The following TET3 variants were observed in gnomAD, a reference collection of about 807,000 sequenced individuals.
The protein encoded by TET3 is methylcytosine dioxygenase TET3.
TET3 carries 19 observed loss-of-function variants against 141.4 expected under a neutral mutation model. The ratio of observed to expected loss-of-function variants is 0.13; its 90% confidence interval spans 0.09 to 0.20. The LOEUF is 0.20. Among genes scored for constraint, TET3 ranks in the 10% least tolerant of loss-of-function variants. The probability of loss-of-function intolerance (pLI) is 1.00; values close to 1 mark genes in which losing one functional copy is unlikely to be tolerated. For synonymous variants in TET3, 1,043 were observed against 980.9 expected (o/e 1.06, Z -1.18); for missense variants, 1,874 against 2,356.9 (o/e 0.80, Z 4.24).
At position 74,104,885 on chromosome 2, in the gene TET3, C is replaced by A. The variant is rs1420887883; in HGVS notation, c.*2709C>A. The stretch of plus-strand genomic sequence containing the variant: ...GCAGTCTCCATTGGATGTCCCCACT[C>A]CCCGCAGAATGGCGTTTCCAGAGTT... On this transcript the variant is annotated 3_prime_UTR_variant, in exon 12 of 12. Transcript: ENST00000409262. 1 of 309,094 alleles carries A rather than the reference C, an allele frequency of 3.2e-6. No individual in the cohort carries two copies. Among genetic ancestry groups the A allele is most frequent in the South Asian group, 1.6e-4 (1 of 6,196 alleles). 19.1% of individuals were successfully genotyped at this position (309,094 alleles called of 1,614,324 possible).
chr2:74,101,312 G>C lies in TET3; in HGVS notation c.4524G>C (p.Leu1508=), dbSNP rs60481444. ...QQAASHSGGR[L]RGKPWSPCKF... is the part of the protein sequence containing the mutation. The stretch of plus-strand genomic sequence containing the variant: ...CAGCTTCCCACTCTGGAGGACGGCT[G>C]CGAGGCAAACCGTGGAGCCCCTGCA... Residue 1508 remains leucine (L), a synonymous_variant, in exon 12 of 12, where the codon CTG becomes CTC. Transcript: ENST00000409262. The surrounding 1 kb of genome is among the most constrained non-coding windows in gnomAD (Gnocchi z 8.5). The C allele has an allele frequency of 0.018, 28,836 of 1,613,412 alleles. 1,160 individuals carry two copies. The highest frequency in any genetic ancestry group is 0.16 in the African/African-American group (12,028 of 75,026).
chr2:74,067,112 C>G (rs535777906), intron 4 of TET3, among the ~76,000 whole-genome samples: 5 of 152,250 alleles, frequency 3.3e-5, no homozygotes, highest in South Asian at 2.1e-4. Flanking sequence ...CCCACTCCCC[C>G]CTGCTCTCCC....
chr2:74,089,080 C>CAAAAAAA (rs34315040), intron 7 of TET3, among the ~76,000 whole-genome samples: 1 of 60,570 alleles, frequency 1.7e-5, no homozygotes, highest in African/African-American at 6.2e-5. Context: ...GATTCCGTCT[C>CAAAAAAA]AAAAAAAAAA....
At position 74,101,028 on chromosome 2, in the gene TET3, G is replaced by A. The variant is rs1223717323; in HGVS notation, c.4240G>A (p.Ala1414Thr). 1.5e-5 allele frequency: 25 copies of A among 1,613,182 alleles called. No homozygotes were observed. Among genetic ancestry groups the A allele is most frequent in the Non-Finnish European group, 1.9e-5 (23 of 1,179,580 alleles). The change falls in exon 12 of 12, where the codon GCT (alanine) becomes ACT (threonine). Residue 1414 changes from alanine (A) to threonine (T), a missense_variant. Around this residue, in one of 10 missense-constraint regions of TET3, gnomAD observed 602 missense variants for 590.2 expected, o/e 1.02. Transcript: ENST00000409262. This position sits in a 1 kb window ranked among gnomAD's most constrained non-coding sequence, Gnocchi z 8.5. ...LTQAEPVPRD[A>T]GKMGKTPLSE... is the part of the protein sequence containing the mutation. ...CCAGGCTGAGCCTGTGCCCAGAGAC[G>A]CTGGCAAGATGGGCAAGACACCTCT...
In TET3 at chr2:74,088,011, C is replaced by T; in HGVS notation, c.2861C>T (p.Thr954Ile). 1.3e-6 allele frequency: 2 copies of T among 1,562,946 alleles called. No homozygotes were observed. The highest frequency in any genetic ancestry group is 1.7e-6 in the Non-Finnish European group (2 of 1,153,764). Residue 954 changes from threonine (T) to isoleucine (I), a missense_variant, in exon 7 of 12, where the codon ACC (threonine) becomes ATC (isoleucine). By Grantham distance (89) the Thr-to-Ile change is moderately conservative. Coordinates refer to ENST00000409262, the MANE Select transcript of TET3 (RefSeq NM_001287491.2). ...TDTLRKYGNP[T>I]SRRCGLNDDR... Reference sequence around the variant, plus strand: ...ACCCTCCGGAAGTATGGGAACCCCACCAGCCGGAGATGCGGCCTCAACGAT... The same window carrying T: ...ACCCTCCGGAAGTATGGGAACCCCATCAGCCGGAGATGCGGCCTCAACGAT...
rs573670088 is a variant in TET3 at position 74,085,226 on chromosome 2, T to C, written c.2680-2604T>C. ...TATGTAAAATCTGGATTTCCGTTTTTTTCTTCAAAATTGGAAGAATTAGCC... is the reference window on the plus strand; with the variant it reads ...TATGTAAAATCTGGATTTCCGTTTTCTTCTTCAAAATTGGAAGAATTAGCC... On this transcript the variant is annotated intron_variant, in intron 6 of 11. Transcript: ENST00000409262. Among the ~76,000 whole-genome samples, 7 of 152,334 alleles carry C rather than the reference T, an allele frequency of 4.6e-5. No homozygotes were observed. The East Asian group carries it at 1.3e-3, about 29-fold the overall frequency.
At chr2:74,081,311 A>G (rs1010409782) in intron 6 of TET3, among the ~76,000 whole-genome samples, 1 of 152,246 alleles carries the variant, frequency 6.6e-6, no homozygotes, top group African/African-American at 2.4e-5. Context: ...AGGAGCAGCC[A>G]GGTTCCTCGG....
chr2:74,076,352 A>G (rs1267777675), intron 5 of TET3, among the ~76,000 whole-genome samples: 2 of 151,138 alleles, frequency 1.3e-5, no homozygotes, highest in East Asian at 1.9e-4. Flanking sequence ...GCCTGCTAGT[A>G]AACTTGGAGT....
intron 7 of TET3, among the ~76,000 whole-genome samples, 177 bp downstream of exon 7, chr2:74,088,215 G>A (rs1384434542): frequency 6.6e-6 from 1 of 152,132 alleles, no homozygotes; most frequent in Non-Finnish European, 1.5e-5. Context: ...GCTTGAGCTG[G>A]GTTCTAGCTC....
At chr2:73,988,701 C>T (rs940091777) in intron 2 of TET3, among the ~76,000 whole-genome samples, 8 of 151,970 alleles carry the variant, frequency 5.3e-5, no homozygotes, top group Admixed American at 1.3e-4. Flanking sequence ...CTTGGGTGTC[C>T]GAGGACAGAG....
chr2:74,132,593 C>T, the TET3 span, among the ~76,000 whole-genome samples: 1 of 152,102 alleles, frequency 6.6e-6, no homozygotes, highest in Non-Finnish European at 1.5e-5. Context: ...TACTTGTTGC[C>T]CAGGCTGGTC....
At chr2:74,015,726 A>G (rs756108045) in intron 3 of TET3, among the ~76,000 whole-genome samples, 2 of 152,192 alleles carry the variant, frequency 1.3e-5, no homozygotes, top group Non-Finnish European at 2.9e-5. Context: ...AAGTGTTTGT[A>G]TAGAACAAAA....
chr2:73,990,294 G>T (rs1375155346), intron 2 of TET3, among the ~76,000 whole-genome samples: 1 of 151,756 alleles, frequency 6.6e-6, no homozygotes, highest in Non-Finnish European at 1.5e-5. Flanking sequence ...TGGGAGAATC[G>T]CCTGAGCCCA....
downstream of TET3, among the ~76,000 whole-genome samples, chr2:74,111,983 A>C (rs1164356883): frequency 6.6e-6 from 1 of 152,226 alleles, no homozygotes; most frequent in Admixed American, 6.5e-5. Context: ...TTGGCTCTTC[A>C]GAGCATCTTC....
chr2:74,013,103 T>C (rs1401056263), intron 3 of TET3, among the ~76,000 whole-genome samples: 4 of 151,814 alleles, frequency 2.6e-5, no homozygotes, highest in Admixed American at 6.6e-5. Flanking sequence ...CAAGGGATTC[T>C]CCCATCTCAG....
At chr2:74,014,475 T>A (rs1424226656) in intron 3 of TET3, among the ~76,000 whole-genome samples, 1 of 152,150 alleles carries the variant, frequency 6.6e-6, no homozygotes, top group East Asian at 1.9e-4. Flanking sequence ...ACTTGGTGAC[T>A]CCCTTGGGCT....
chr2:74,004,709 T>G (rs781475569), intron 3 of TET3, among the ~76,000 whole-genome samples: 1 of 152,066 alleles, frequency 6.6e-6, no homozygotes, highest in Non-Finnish European at 1.5e-5. Context: ...CGGGCGATAC[T>G]GTGGGTGGGG....
chr2:74,048,397 C>A lies in TET3; in HGVS notation c.2480C>A (p.Thr827Asn). The part of the protein sequence containing the change: ...PAKRAQAEFP[T>N]CDCVEQIVEK... ...AAGAGAGCCCAGGCCGAGTTCCCCA[C>A]CTGCGATTGCGTCGGTAAGTCCGCC... The change falls in exon 4 of 12, where the codon ACC becomes AAC. Residue 827 changes from threonine (T) to asparagine (N), a missense_variant. Transcript: ENST00000409262. 1.2e-6 allele frequency: 2 copies of A among 1,608,116 alleles called. No homozygotes were observed. Among genetic ancestry groups the A allele is most frequent in the Non-Finnish European group, 1.7e-6 (2 of 1,176,238 alleles).
chr2:74,032,926 G>A (rs1686834200), intron 3 of TET3, among the ~76,000 whole-genome samples: 1 of 151,912 alleles, frequency 6.6e-6, no homozygotes, highest in South Asian at 2.1e-4. Context: ...GGAGTTTCAG[G>A]CTTGGCACCC....
Sources: allele counts gnomAD v4.1 joint callset (sites outside exome capture counted in the v4.1 genomes callset), GRCh38; gene constraint gnomAD v4.1.1; regional missense constraint gnomAD v4.1.1; non-coding constraint Gnocchi (gnomAD v3.1); transcripts MANE v1.5; gene names NCBI Gene and HGNC (gene_info 2026-07-23, HGNC 2026-07-21).